MIDN: variants seen among roughly 807,000 people sequenced by gnomAD.
MIDN encodes the protein midnolin, also known as midbrain nucleolar protein.
Under a neutral mutation model 46.1 loss-of-function variants are expected in MIDN, and 26 were observed. That is an observed-to-expected ratio of 0.56 (90% CI 0.41 to 0.78). The LOEUF (loss-of-function observed/expected upper bound fraction) is 0.78. MIDN is among the 30% of genes least tolerant of loss of function. The pLI, the probability that MIDN is intolerant of heterozygous loss-of-function variation, is 0.00. For synonymous variants in MIDN, 432 were observed against 343.3 expected, an observed-to-expected ratio of 1.26 and a Z score of -2.86; for missense variants, 850 against 771.8, an observed-to-expected ratio of 1.10 and a Z score of -1.20.
At chr19:1,255,145 C>T in intron 7 of MIDN, 84 bp downstream of exon 7, 1 of 1,471,314 alleles carries the variant, frequency 6.8e-7, no homozygotes, top group Non-Finnish European at 9.3e-7. Flanking sequence ...CAGGCGACTC[C>T]ACATATTCTG....
chr19:1,253,009 C>T (rs910570721), intron 4 of MIDN, among the ~76,000 whole-genome samples: 12 of 131,046 alleles, frequency 9.2e-5, no homozygotes, highest in Non-Finnish European at 3.2e-5. Context: ...CCTCCCTGGG[C>T]GCCTGCGTCA....
chr19:1,256,973 C>T (rs754511231), intron 8 of MIDN, 22 bp from the exon 9 acceptor site: 1 of 1,604,594 alleles, frequency 6.2e-7, no homozygotes, highest in Non-Finnish European at 8.5e-7. Flanking sequence ...TTGGGAGTCA[C>T]AGGCCACTAC....
chr19:1,251,502 C>CT, intron 2 of MIDN, 60 bp from the exon 3 acceptor site: 1 of 1,522,878 alleles, frequency 6.6e-7, no homozygotes, highest in South Asian at 1.2e-5. Context: ...CCCGCGGCCT[C>CT]TGCTTCCGCG....
intron 2 of MIDN, chr19:1,251,283 G>A (rs962384035): frequency 3.7e-5 from 17 of 462,532 alleles, no homozygotes; most frequent in African/African-American, 1.4e-4. Flanking sequence ...GGGGCCCAGA[G>A]GAGGAGAAAG....
rs747519561 is a variant in MIDN, at chr19:1,255,461, C to T, written c.1025C>T (p.Pro342Leu). 1.1e-5 allele frequency: 18 copies of T among 1,604,982 alleles called. 2 individuals carry two copies. The highest frequency in any genetic ancestry group is 5.6e-5 in the South Asian group (5 of 90,002). Residue 342 changes from proline (P) to leucine (L), a missense_variant, in exon 8 of 9, where the codon CCG (proline) becomes CTG (leucine). Pro to Leu is a moderately conservative substitution (Grantham distance 98, BLOSUM62 -3). Coordinates refer to ENST00000682408, the MANE Select transcript of MIDN (RefSeq NM_001388306.1). ...HPNCQDSSGR[P>L]RRDIGTILQI... ...AACTGCCAAGACAGCAGCGGGCGGC[C>T]GCGGCGTGACATCGGCACCATCCTG... is the stretch of plus-strand genomic sequence containing the variant.
chr19:1,254,025 G>C lies in MIDN; in HGVS notation c.456G>C (p.Lys152Asn). 1 of 1,425,654 alleles carries C rather than the reference G, an allele frequency of 7.0e-7. No individual in the cohort carries two copies. Among genetic ancestry groups the C allele is most frequent in the Admixed American group, 3.2e-5 (1 of 31,534 alleles). The allele number at this position is 1,425,654 out of a possible 1,614,324, so 88.3% of individuals were successfully genotyped here. A position where few individuals can be genotyped will look rare whatever the true frequency, so the allele number is the denominator to read the frequency against. Residue 152 changes from lysine to asparagine, a missense_variant, in exon 5 of 9, where the codon AAG (lysine) becomes AAC (asparagine). Physicochemically the swap from Lys to Asn is moderately conservative, Grantham distance 94. Coordinates refer to ENST00000682408, the MANE Select transcript of MIDN (RefSeq NM_001388306.1). ...GFRKYRFILFKRPWHRQGPQS... is the reference protein window; with the variant it reads ...GFRKYRFILFNRPWHRQGPQS... ...GGAAATACAGATTCATTTTATTTAAGCGTCCGTGGCACCGACAGGGACCCC... is the reference window on the plus strand; with the variant it reads ...GGAAATACAGATTCATTTTATTTAACCGTCCGTGGCACCGACAGGGACCCC...
chr19:1,253,726 C>T (rs1391565257), intron 4 of MIDN: 6 of 238,096 alleles, frequency 2.5e-5, no homozygotes, highest in South Asian at 4.8e-5. Context: ...CACTTGCTGG[C>T]CCTGGTGACT....
chr19:1,257,334 A>T lies in MIDN; in HGVS notation c.*62A>T. The T allele has an allele frequency of 1.4e-6, 2 of 1,451,946 alleles. No homozygotes were observed. Among genetic ancestry groups the T allele is most frequent in the South Asian group, 1.2e-5 (1 of 85,216 alleles). 89.9% of individuals were successfully genotyped at this position (1,451,946 alleles called of 1,614,324 possible). On this transcript the variant is annotated 3_prime_UTR_variant, in exon 9 of 9. Coordinates refer to ENST00000682408, the MANE Select transcript of MIDN (RefSeq NM_001388306.1). ...AGCCCAGGGCGGCGGGGACTCCGAG[A>T]GCCCCGGAGAGAACGTGGCCCAGCC...
chr19:1,257,682 C>T lies in MIDN; in HGVS notation c.*410C>T, dbSNP rs529543097. On this transcript the variant is annotated 3_prime_UTR_variant, in exon 9 of 9. Coordinates refer to ENST00000682408, the MANE Select transcript of MIDN (RefSeq NM_001388306.1). ...CCCTTCCGCCGCCTCCTTTCCCCCC[C>T]GACCCTATTCAGGTTTTAAGTCAAA... 1.4e-4 allele frequency: 27 copies of T among 195,182 alleles called. No individual in the cohort carries two copies. The highest frequency in any genetic ancestry group is 1.9e-4 in the African/African-American group (8 of 42,070). The allele number at this position is 195,182 out of a possible 1,614,324, so 12.1% of individuals were successfully genotyped here.
Position 1,254,448 on chromosome 19 carries a change from G to T in MIDN, c.795G>T (p.Arg265=). ...SPSPITAGSF[R]SHAASTTCPE... is the part of the protein sequence containing the mutation. ...CGCCCATCACAGCCGGCTCCTTCCG[G>T]TCCCACGCAGCCTCCACCACCTGCC... Residue 265 remains arginine (R), a synonymous_variant, in exon 6 of 9, where the codon CGG becomes CGT. Coordinates refer to ENST00000682408, the MANE Select transcript of MIDN (RefSeq NM_001388306.1). The T allele has an allele frequency of 6.4e-7, 1 of 1,562,902 alleles. No homozygotes were observed. Among genetic ancestry groups the T allele is most frequent in the Non-Finnish European group, 8.6e-7 (1 of 1,161,368 alleles).
intron 8 of MIDN, among the ~76,000 whole-genome samples, chr19:1,256,339 C>T (rs1018249256): frequency 6.6e-5 from 10 of 152,110 alleles, no homozygotes; most frequent in African/African-American, 9.7e-5. Context: ...AAAAATTAGC[C>T]AGGCGTGGTG....
chr19:1,252,037 CAGCCT>C (rs2081136125), intron 4 of MIDN, 136 bp downstream of exon 4: 1 of 722,154 alleles, frequency 1.4e-6, no homozygotes. Context: ...GCCTGGGTGC[CAGCCT>C]GGCCTGGCCT....
At chr19:1,254,740 C>T (rs1004652878) in intron 6 of MIDN, among the ~76,000 whole-genome samples, 162 bp from the exon 7 acceptor site, 1 of 152,032 alleles carries the variant, frequency 6.6e-6, no homozygotes. Context: ...ATCTCTGTGT[C>T]CTGGGTTGGT....
chr19:1,255,565 G>T lies in MIDN; in HGVS notation c.1129G>T (p.Ala377Ser), dbSNP rs758714390. ...PPSLAQLRCH[A>S]QCSPASPAPD... ...TTCGCTGGCCCAGCTCCGCTGCCAC[G>T]CCCAGTGCTCCCCGGCCTCACCGGC... The change falls in exon 8 of 9, where the codon GCC becomes TCC. Residue 377 changes from alanine to serine, a missense_variant. Ala to Ser is a moderately conservative substitution (Grantham distance 99, BLOSUM62 1). Coordinates refer to ENST00000682408, the MANE Select transcript of MIDN (RefSeq NM_001388306.1). 8.1e-6 allele frequency: 13 copies of T among 1,611,672 alleles called. No homozygotes were observed. Among genetic ancestry groups the T allele is most frequent in the Admixed American group, 1.7e-5 (1 of 59,948 alleles).
chr19:1,257,170 C>T lies in MIDN; in HGVS notation c.1434C>T (p.Gly478=), dbSNP rs780443048. ...GRSDSSSSGG[G]GSPSEASGLG... is the part of the protein sequence containing the mutation. ...GCGACAGCAGTAGCAGCGGGGGCGG[C>T]GGCAGCCCCAGCGAGGCCTCCGGCT... Residue 478 remains glycine (G), a synonymous_variant, in exon 9 of 9, where the codon GGC becomes GGT. Transcript: ENST00000682408. 6.4e-5 allele frequency: 103 copies of T among 1,611,504 alleles called. No individual in the cohort carries two copies. Among genetic ancestry groups the T allele is most frequent in the Non-Finnish European group, 7.5e-5 (89 of 1,179,248 alleles).
chr19:1,251,699 G>A (rs2081130502), intron 3 of MIDN, 50 bp downstream of exon 3: 9 of 1,563,716 alleles, frequency 5.8e-6, no homozygotes, highest in African/African-American at 1.4e-5. Context: ...CACACAGGCA[G>A]TAGCCCCTCC....
At position 1,251,603 on chromosome 19, in the gene MIDN, A is replaced by T. The variant is rs1270299097; in HGVS notation, c.275A>T (p.Asp92Val). ...AAGCTGCAGGAGTTCGGCGTGGGTG[A>T]TGGCAGCAAGCTGACCTTGGTACCC... ...SGKLQEFGVG[D>V]GSKLTLVPTV... The change falls in exon 3 of 9, where the codon GAT (aspartate) becomes GTT (valine). Residue 92 changes from aspartate to valine, a missense_variant. Transcript: ENST00000682408. 6.2e-7 allele frequency: 1 copy of T among 1,606,042 alleles called. No individual in the cohort carries two copies. The highest frequency in any genetic ancestry group is 1.3e-5 in the African/African-American group (1 of 74,282).
At chr19:1,255,727 C>T (rs773225737) in intron 8 of MIDN, 33 bp downstream of exon 8, 5 of 1,509,598 alleles carry the variant, frequency 3.3e-6, no homozygotes, top group Non-Finnish European at 4.4e-6. Context: ...CCTACCTTCC[C>T]CGCCCGCCTG....
intron 8 of MIDN, among the ~76,000 whole-genome samples, chr19:1,256,121 C>T (rs2081196111): frequency 1.3e-5 from 2 of 152,268 alleles, no homozygotes; most frequent in African/African-American, 2.4e-5. Context: ...AGAGTCTCAC[C>T]AGAAGATGGC....
Sources: gnomAD v4.1 joint callset for allele counts (sites outside exome capture counted in the v4.1 genomes callset) on GRCh38, gnomAD v4.1.1 for gene constraint, MANE v1.5 for transcripts, NCBI Gene and HGNC (gene_info 2026-07-23, HGNC 2026-07-21) for gene names.